The following CEP295 variants were observed in gnomAD, a reference collection of about 807,000 sequenced individuals.
CEP295 encodes centrosomal protein 295.
A neutral mutation model predicts 291.6 loss-of-function variants in CEP295; 190 were observed. That is an observed-to-expected ratio of 0.65 (90% confidence interval 0.58 to 0.73). The LOEUF (loss-of-function observed/expected upper bound fraction) is 0.73. Among genes scored for constraint, CEP295 ranks in the 30% least tolerant of loss-of-function variants. The pLI is 0.00. For synonymous variants in CEP295, 993 were observed against 1,038.8 expected, an observed-to-expected ratio of 0.96 and a Z score of 0.85; for missense variants, 2,863 against 2,949.4, an observed-to-expected ratio of 0.97 and a Z score of 0.68.
At chr11:93,707,099 C>CTTTTAAATTGTTTTATTA (rs773870389) in intron 18 of CEP295, among the ~76,000 whole-genome samples, 2,999 of 152,098 alleles carry the variant, frequency 0.02, 61 homozygotes, top group Middle Eastern at 0.024. Context: ...TTATTAAATG[C>CTTTTAAATTGTTTTATTA]CAGTAAGAAG....
At position 93,728,843 on chromosome 11, in the gene CEP295, A is replaced by G. The variant is rs370888464; in HGVS notation, c.7302+22A>G. 11 of 1,522,482 alleles carry G rather than the reference A, an allele frequency of 7.2e-6. No homozygotes were observed. In the African/African-American group the frequency reaches 8.4e-5, roughly 12 times the overall value. 94.3% of individuals were successfully genotyped at this position (1,522,482 alleles called of 1,614,324 possible). A position where few individuals can be genotyped will look rare whatever the true frequency, so the allele number is the denominator to read the frequency against. The stretch of plus-strand genomic sequence containing the variant: ...TCAGGTAAATTTAAGCTTTCCTTCT[A>G]TTTTATTCTATTACAAGCAAACCAG... On this transcript the variant is annotated intron_variant, in intron 25 of 29. Coordinates refer to ENST00000325212, the MANE Select transcript of CEP295 (RefSeq NM_033395.2).
chr11:93,722,378 C>A lies in CEP295; in HGVS notation c.5947+328C>A, dbSNP rs1022170413. 3 of 234,120 alleles carry A rather than the reference C, an allele frequency of 1.3e-5. No homozygotes were observed. The East Asian group carries it at 3.5e-4, about 28-fold the overall frequency. The allele number at this position is 234,120 out of a possible 1,614,324, so 14.5% of individuals were successfully genotyped here. On this transcript the variant is annotated intron_variant, in intron 20 of 29. Transcript: ENST00000325212. ...TCAGGAGGCTGAGGTGAGGGGATCG[C>A]TTGAGCCTGGGAGGTCAAGGCTGCA...
Position 93,730,156 on chromosome 11 carries a change from T to C in CEP295, c.7767+8T>C, listed in dbSNP as rs2135392114. On this transcript the variant is annotated splice_region_variant and intron_variant, in intron 29 of 29. Transcript: ENST00000325212. ...GCAAAAGAATTCCATAAGGTGAGTA[T>C]AACTGAGGGAGAAGGACTTAATTTT... 1.3e-6 allele frequency: 2 copies of C among 1,551,020 alleles called. No homozygotes were observed. Among genetic ancestry groups the C allele is most frequent in the Admixed American group, 2.0e-5 (1 of 50,868 alleles).
chr11:93,676,185 A>T (rs1950679408), intron 6 of CEP295, among the ~76,000 whole-genome samples: 1 of 151,944 alleles, frequency 6.6e-6, no homozygotes, highest in Non-Finnish European at 1.5e-5. Context: ...GTTTTTATCC[A>T]CATCTCTGAT....
Position 93,729,647 on chromosome 11 carries a change from G to C in CEP295, c.7433G>C (p.Ser2478Thr), listed in dbSNP as rs772744741. The C allele has an allele frequency of 1.3e-6, 2 of 1,550,662 alleles. No homozygotes were observed. The highest frequency in any genetic ancestry group is 2.4e-5 in the South Asian group (2 of 83,840). ...CGCAGGCTTACACCTGTACCAGGGA[G>C]CTTACAAGAAGCATTTATAAAGAGG... ...TPRRLTPVPG[S>T]LQEAFIKRKK... Residue 2478 changes from serine to threonine, a missense_variant, in exon 27 of 30, where the codon AGC becomes ACC. Physicochemically the swap from Ser to Thr is moderately conservative, Grantham distance 58. This residue lies in a region of CEP295 where 2,295 missense variants were observed against 2,335.7 expected (regional missense o/e 0.98). Transcript: ENST00000325212.
chr11:93,668,920 A>G lies in CEP295; in HGVS notation c.422A>G (p.Lys141Arg). The G allele has an allele frequency of 8.4e-7, 1 of 1,196,392 alleles. No homozygotes were observed. Among genetic ancestry groups the G allele is most frequent in the Non-Finnish European group, 1.2e-6 (1 of 846,472 alleles). 74.1% of individuals were successfully genotyped at this position (1,196,392 alleles called of 1,614,324 possible). Residue 141 changes from lysine to arginine, a missense_variant, in exon 4 of 30, where the codon AAA (lysine) becomes AGA (arginine). Physicochemically the swap from Lys to Arg is conservative, Grantham distance 26. Coordinates refer to ENST00000325212, the MANE Select transcript of CEP295 (RefSeq NM_033395.2). ...VQKNQKEILL[K>R]QKTWHIKARK... ...AAAAATCAAAAAGAAATATTACTGA[A>G]ACAAAAAACCTGGTAAAGTAATAAT...
At position 93,698,811 on chromosome 11, in the gene CEP295, T is replaced by C. The variant is rs981085307; in HGVS notation, c.3899T>C (p.Phe1300Ser). ...SFIPQLVQLS[F>S]TSLASAESGT... ...ATACCCCAGTTGGTACAGCTTTCATTTACTTCGTTAGCTTCAGCTGAGTCT... is the reference window on the plus strand; with the variant it reads ...ATACCCCAGTTGGTACAGCTTTCATCTACTTCGTTAGCTTCAGCTGAGTCT... The change falls in exon 15 of 30, where the codon TTT becomes TCT. Residue 1300 changes from phenylalanine (F) to serine (S), a missense_variant. By Grantham distance (155) the Phe-to-Ser change is radical. Around this residue, in one of 3 missense-constraint regions of CEP295, gnomAD observed 2,295 missense variants for 2,335.7 expected, o/e 0.98. Coordinates refer to ENST00000325212, the MANE Select transcript of CEP295 (RefSeq NM_033395.2). The C allele has an allele frequency of 1.3e-6, 2 of 1,551,736 alleles. No homozygotes were observed. Among genetic ancestry groups the C allele is most frequent in the Admixed American group, 3.9e-5 (2 of 51,004 alleles).
intron 17 of CEP295, among the ~76,000 whole-genome samples, chr11:93,703,198 A>C (rs536897628): frequency 6.6e-6 from 1 of 152,280 alleles, no homozygotes; most frequent in African/African-American, 2.4e-5. Flanking sequence ...TGCTGACCTC[A>C]GGTGATCTGC....
Position 93,727,378 on chromosome 11 carries a change from A to G in CEP295, c.6902A>G (p.Asp2301Gly). Residue 2301 changes from aspartate to glycine, a missense_variant, in exon 24 of 30, where the codon GAT becomes GGT. By Grantham distance (94) the Asp-to-Gly change is moderately conservative (BLOSUM62 -1). Coordinates refer to ENST00000325212, the MANE Select transcript of CEP295 (RefSeq NM_033395.2). ...TTACAAAGTCAAGGACTCATTGAAG[A>G]TAATAAAAATGAAACCTGTAGGGTT... ...TMLQSQGLIE[D>G]NKNETCRVLD... 2 of 1,551,548 alleles carry G rather than the reference A, an allele frequency of 1.3e-6. No homozygotes were observed. The highest frequency in any genetic ancestry group is 8.7e-7 in the Non-Finnish European group (1 of 1,146,952).
intron 10 of CEP295, among the ~76,000 whole-genome samples, chr11:93,690,431 T>C (rs4753493): frequency 0.92 from 139,633 of 151,964 alleles, 64,964 homozygotes; most frequent in East Asian, 0.99. Context: ...TGGTTGTGGG[T>C]GCCTGTAGTC....
chr11:93,723,148 C>G lies in CEP295; in HGVS notation c.6055C>G (p.Gln2019Glu). The stretch of plus-strand genomic sequence containing the variant: ...AGTTCCTTCAACACAAGATATTTAT[C>G]AGCGGCAGAACTCTTCAGACGTTCA... ...SIVPSTQDIYQRQNSSDVHKS... is the reference protein window; with the variant it reads ...SIVPSTQDIYERQNSSDVHKS... Residue 2019 changes from glutamine to glutamate, a missense_variant, in exon 21 of 30, where the codon CAG (glutamine) becomes GAG (glutamate). Gln to Glu is a conservative substitution (Grantham distance 29). Around this residue, in one of 3 missense-constraint regions of CEP295, gnomAD observed 2,295 missense variants for 2,335.7 expected, o/e 0.98. Transcript: ENST00000325212. The G allele has an allele frequency of 2.6e-6, 4 of 1,552,038 alleles. No homozygotes were observed. Among genetic ancestry groups the G allele is most frequent in the Non-Finnish European group, 3.5e-6 (4 of 1,147,030 alleles).
intron 18 of CEP295, among the ~76,000 whole-genome samples, chr11:93,708,746 C>A (rs6483263): frequency 1.3e-5 from 2 of 152,182 alleles, no homozygotes; most frequent in Non-Finnish European, 2.9e-5. Flanking sequence ...TTCATAGTGG[C>A]TGTACTGATT....
intron 5 of CEP295, among the ~76,000 whole-genome samples, chr11:93,670,580 T>C (rs1328619126): frequency 6.6e-6 from 1 of 152,170 alleles, no homozygotes; most frequent in African/African-American, 2.4e-5. Context: ...TGTATAAGCA[T>C]AAGTACCAGA....
At chr11:93,701,469 G>A (rs1247497495) in intron 15 of CEP295, among the ~76,000 whole-genome samples, 1 of 152,204 alleles carries the variant, frequency 6.6e-6, no homozygotes, top group Admixed American at 6.5e-5. Flanking sequence ...GGTTCAGGAA[G>A]AGTTAACGTC....
Position 93,667,791 on chromosome 11 carries a change from G to A in CEP295, c.293G>A (p.Arg98Gln), listed in dbSNP as rs533107106. Residue 98 changes from arginine (R) to glutamine (Q), a missense_variant, in exon 3 of 30, where the codon CGA becomes CAA. Arg to Gln is a conservative substitution (Grantham distance 43). Around this residue, in one of 3 missense-constraint regions of CEP295, gnomAD observed 554 missense variants for 576.0 expected, o/e 0.96. Transcript: ENST00000325212. ...TTAAGAAGTATGGGAGAGGGACATCGACAGGCCAAAGAAAATGTGAGTGAG... is the reference window on the plus strand; with the variant it reads ...TTAAGAAGTATGGGAGAGGGACATCAACAGGCCAAAGAAAATGTGAGTGAG... The part of the protein sequence containing the change: ...ASLRSMGEGH[R>Q]QAKENEPDLD... 2.9e-5 allele frequency: 45 copies of A among 1,549,444 alleles called. No individual in the cohort carries two copies. The South Asian group carries it at 4.7e-4, about 16-fold the overall frequency.
chr11:93,710,135 A>G (rs1215659610), intron 18 of CEP295, among the ~76,000 whole-genome samples: 3 of 152,032 alleles, frequency 2.0e-5, no homozygotes, highest in Non-Finnish European at 4.4e-5. Flanking sequence ...GTCTTGTGCG[A>G]TTGCTCTAGC....
Position 93,698,687 on chromosome 11 carries a change from G to A in CEP295, c.3775G>A (p.Glu1259Lys), listed in dbSNP as rs1190497810. The A allele has an allele frequency of 1.3e-6, 2 of 1,550,684 alleles. No homozygotes were observed. The highest frequency in any genetic ancestry group is 1.7e-6 in the Non-Finnish European group (2 of 1,147,082). The change falls in exon 15 of 30, where the codon GAA becomes AAA. Residue 1259 changes from glutamate (E) to lysine (K), a missense_variant. Around this residue, in one of 3 missense-constraint regions of CEP295, gnomAD observed 2,295 missense variants for 2,335.7 expected, o/e 0.98. Transcript: ENST00000325212. ...HMLPLQDNLE[E>K]HQAWLDTEKE... ...GCTACCTCTACAAGATAATTTGGAG[G>A]AACACCAAGCATGGCTAGACACTGA...
chr11:93,692,290 G>A (rs1951600998), intron 12 of CEP295, among the ~76,000 whole-genome samples: 1 of 152,020 alleles, frequency 6.6e-6, no homozygotes, highest in Non-Finnish European at 1.5e-5. Flanking sequence ...AAAAAGCAGA[G>A]ACTATCTTCT....
rs1294111556 is a variant in CEP295, at chr11:93,667,309, A to G, written c.109-298A>G. On this transcript the variant is annotated intron_variant, in intron 2 of 29. Transcript: ENST00000325212. ...TACTCTGGGCTATAGATTTTGTTGAATCATATTTATCGCTTTAGCTTTTAT... is the reference window on the plus strand; with the variant it reads ...TACTCTGGGCTATAGATTTTGTTGAGTCATATTTATCGCTTTAGCTTTTAT... Among the ~76,000 whole-genome samples, 3 of 152,208 alleles carry G rather than the reference A, an allele frequency of 2.0e-5. No individual in the cohort carries two copies. The East Asian group carries it at 5.8e-4, about 29-fold the overall frequency.
Sources: allele counts gnomAD v4.1 joint callset (sites outside exome capture counted in the v4.1 genomes callset), GRCh38; gene constraint gnomAD v4.1.1; regional missense constraint gnomAD v4.1.1; transcripts MANE v1.5; gene names NCBI Gene and HGNC (gene_info 2026-07-23, HGNC 2026-07-21).